The following SUPT3H variants were observed in gnomAD, a reference collection of about 807,000 sequenced individuals.
SUPT3H encodes transcription initiation protein SPT3 homolog.
A neutral mutation model predicts 44.3 loss-of-function variants in SUPT3H; 44 were observed. The ratio of observed to expected loss-of-function variants is 0.99; its 90% confidence interval spans 0.78 to 1.28. SUPT3H has a LOEUF of 1.28. Ranked by LOEUF, SUPT3H falls within the 50% of genes most tolerant of loss-of-function variation. SUPT3H has a pLI of 0.00. For synonymous variants in SUPT3H, 124 were observed against 125.6 expected, an observed-to-expected ratio of 0.99 and a Z score of 0.09; for missense variants, 380 against 387.1, an observed-to-expected ratio of 0.98 and a Z score of 0.15.
At chr6:45,037,738 T>C (rs1200168347) in intron 3 of SUPT3H, among the ~76,000 whole-genome samples, 1 of 149,526 alleles carries the variant, frequency 6.7e-6, no homozygotes, top group African/African-American at 2.5e-5. Flanking sequence ...ATAAAAGGGG[T>C]AGTTTATTTC....
At chr6:44,965,846 C>G (rs570826528) in intron 6 of SUPT3H, among the ~76,000 whole-genome samples, 1 of 152,246 alleles carries the variant, frequency 6.6e-6, no homozygotes, top group South Asian at 2.1e-4. Context: ...TCTCCAAATA[C>G]AGGAACCGTG....
In SUPT3H at chr6:44,911,628, A is replaced by G. The variant is rs1351281751; in HGVS notation, c.912+21025T>C. Among the ~76,000 whole-genome samples the G allele has an allele frequency of 2.0e-5, 3 of 152,328 alleles. 1 individual carries two copies. Among genetic ancestry groups the G allele is most frequent in the Middle Eastern group, 6.8e-3 (2 of 294 alleles). On this transcript the variant is annotated intron_variant, in intron 10 of 10. Transcript: ENST00000371459. ...TTTAATGGACTCATTAAATATTTCT[A>G]TTTTAAAGAAGGTATTCACAATTCT...
intron 5 of SUPT3H, among the ~76,000 whole-genome samples, chr6:45,012,533 A>G: frequency 6.6e-6 from 1 of 151,798 alleles, no homozygotes; most frequent in South Asian, 2.1e-4. Context: ...GATACTCTTT[A>G]CTTTGTGAGA....
chr6:45,281,165 G>C (rs970517317), intron 2 of SUPT3H, among the ~76,000 whole-genome samples: 2 of 152,230 alleles, frequency 1.3e-5, no homozygotes, highest in African/African-American at 2.4e-5. Context: ...CCCAGCATGA[G>C]CAATGCAGAA....
At chr6:45,328,517 T>C in intron 2 of SUPT3H, 2 of 1,555,790 alleles carry the variant, frequency 1.3e-6, no homozygotes, top group East Asian at 4.8e-5. Context: ...AAATATTTGC[T>C]CATTCTCTTT....
rs544177080 is a variant in SUPT3H, at chr6:45,289,086, C to T, written c.101+76115G>A. 6.5e-4 allele frequency among the ~76,000 whole-genome samples: 99 copies of T among 152,174 alleles called. 1 individual carries two copies. The highest frequency in any genetic ancestry group is 5.4e-3 in the South Asian group (26 of 4,830). On this transcript the variant is annotated intron_variant, in intron 2 of 10. Coordinates refer to ENST00000371459, the MANE Select transcript of SUPT3H (RefSeq NM_003599.4). Reference sequence around the variant, plus strand: ...AGAAACTGTATCTTAAAACATGGTTCTTTCTAATGTGTTTTTCATATTCCA... The same window carrying T: ...AGAAACTGTATCTTAAAACATGGTTTTTTCTAATGTGTTTTTCATATTCCA...
At chr6:45,062,106 T>C (rs949282035) in intron 3 of SUPT3H, among the ~76,000 whole-genome samples, 2 of 151,936 alleles carry the variant, frequency 1.3e-5, no homozygotes, top group Non-Finnish European at 2.9e-5. Flanking sequence ...ATACACCTTA[T>C]CTAGTATTTA....
intron 2 of SUPT3H, among the ~76,000 whole-genome samples, chr6:45,176,389 T>A (rs1282044899): frequency 6.6e-6 from 1 of 152,060 alleles, no homozygotes; most frequent in Non-Finnish European, 1.5e-5. Context: ...CGGCGAACCA[T>A]GAGATTATAT....
At position 45,250,886 on chromosome 6, in the gene SUPT3H, G is replaced by A. The variant is rs181108326; in HGVS notation, c.101+114315C>T. The A allele has an allele frequency of 2.0e-5, 3 of 152,056 alleles. No individual in the cohort carries two copies. The East Asian group carries it at 5.8e-4, about 29-fold the overall frequency. The allele number at this position is 152,056 out of a possible 1,614,324, so 9.4% of individuals were successfully genotyped here. ...CAGTCACCCAGGCTGGAATACAGTAGTGCTATCATAGTTCACTGCAGCTTT... is the reference window on the plus strand; with the variant it reads ...CAGTCACCCAGGCTGGAATACAGTAATGCTATCATAGTTCACTGCAGCTTT... On this transcript the variant is annotated intron_variant, in intron 2 of 10. Transcript: ENST00000371459.
At chr6:45,151,712 G>A (rs1483081377) in intron 2 of SUPT3H, among the ~76,000 whole-genome samples, 2 of 152,064 alleles carry the variant, frequency 1.3e-5, no homozygotes, top group South Asian at 2.1e-4. Flanking sequence ...CTAAATCAAA[G>A]TATTTTTAAA....
At position 45,377,843 on chromosome 6, in the gene SUPT3H, C is replaced by G. The variant is rs1288850133; in HGVS notation, c.-76G>C. The G allele has an allele frequency of 6.5e-6, 1 of 154,326 alleles. No individual in the cohort carries two copies. Among genetic ancestry groups the G allele is most frequent in the Non-Finnish European group, 1.4e-5 (1 of 69,710 alleles). The allele number at this position is 154,326 out of a possible 1,614,324, so 9.6% of individuals were successfully genotyped here. A position where few individuals can be genotyped will look rare whatever the true frequency, so the allele number is the denominator to read the frequency against. On this transcript the variant is annotated 5_prime_UTR_variant, in exon 1 of 11. Transcript: ENST00000371459. Reference sequence around the variant, plus strand: ...TGTGGGGGTGGAGATGGTGCGGTTTCTGCTGCTGCGGCCCGGGACACGCTT... The same window carrying G: ...TGTGGGGGTGGAGATGGTGCGGTTTGTGCTGCTGCGGCCCGGGACACGCTT...
chr6:44,943,915 G>A (rs4711807), intron 9 of SUPT3H, among the ~76,000 whole-genome samples: 50,961 of 151,820 alleles, frequency 0.34, 9,475 homozygotes, highest in Admixed American at 0.41. Context: ...AAAGAAAAAT[G>A]ATACAAGAAA....
At chr6:45,276,471 G>T (rs1216051723) in intron 2 of SUPT3H, among the ~76,000 whole-genome samples, 1 of 152,002 alleles carries the variant, frequency 6.6e-6, no homozygotes, top group Non-Finnish European at 1.5e-5. Context: ...TTACAATAAT[G>T]GCCCCAATTC....
At chr6:45,107,604 G>C (rs1799459263) in intron 2 of SUPT3H, among the ~76,000 whole-genome samples, 1 of 152,106 alleles carries the variant, frequency 6.6e-6, no homozygotes, top group African/African-American at 2.4e-5. Flanking sequence ...AAAAGGCCAA[G>C]CATTAATTTA....
intron 10 of SUPT3H, among the ~76,000 whole-genome samples, chr6:44,867,729 C>CG (rs1272138081): frequency 2.0e-5 from 3 of 152,168 alleles, no homozygotes; most frequent in African/African-American, 7.2e-5. Context: ...GCAAAGGCCT[C>CG]TTTACCTAAG....
intron 2 of SUPT3H, among the ~76,000 whole-genome samples, chr6:45,337,559 A>T (rs1366838609): frequency 1.3e-5 from 2 of 151,878 alleles, no homozygotes; most frequent in Non-Finnish European, 2.9e-5. Context: ...GATCTGCTCC[A>T]GAAACTCAAG....
chr6:44,881,880 A>T (rs1051142610), intron 10 of SUPT3H, among the ~76,000 whole-genome samples: 1 of 152,212 alleles, frequency 6.6e-6, no homozygotes, highest in African/African-American at 2.4e-5. Flanking sequence ...GGACACAGCT[A>T]AAGCAGTGAT....
intron 2 of SUPT3H, among the ~76,000 whole-genome samples, chr6:45,285,051 G>A (rs1188945375): frequency 6.6e-6 from 1 of 151,842 alleles, no homozygotes; most frequent in Non-Finnish European, 1.5e-5. Context: ...AGCCCTTCAT[G>A]CTAAAAACTC....
At chr6:45,247,780 A>G (rs1240774026) in intron 2 of SUPT3H, among the ~76,000 whole-genome samples, 1 of 152,136 alleles carries the variant, frequency 6.6e-6, no homozygotes, top group Non-Finnish European at 1.5e-5. Flanking sequence ...AAATGTTGAA[A>G]AAGAAGAACA....
Sources: allele counts gnomAD v4.1 joint callset (sites outside exome capture counted in the v4.1 genomes callset), GRCh38; gene constraint gnomAD v4.1.1; transcripts MANE v1.5; gene names NCBI Gene and HGNC (gene_info 2026-07-23, HGNC 2026-07-21).